Variants in LRFN5 observed in about 807,000 individuals in gnomAD.
LRFN5 encodes the protein leucine rich repeat and fibronectin type III domain containing 5.
LRFN5 carries 24 observed loss-of-function variants against 45.6 expected under a neutral mutation model. The observed-to-expected ratio is 0.53, with a 90% CI of 0.38 to 0.74. LRFN5 has a LOEUF of 0.74. Among genes scored for constraint, LRFN5 ranks in the 30% least tolerant of loss-of-function variants. LRFN5 has a pLI of 0.00. For synonymous variants in LRFN5, 340 were observed against 313.8 expected (o/e 1.08, Z -0.88); for missense variants, 776 against 861.5 (o/e 0.90, Z 1.24).
chr14:41,875,465 G>A (rs1057298720), intron 2 of LRFN5, among the ~76,000 whole-genome samples: 2 of 152,188 alleles, frequency 1.3e-5, no homozygotes, highest in African/African-American at 4.8e-5. Context: ...GGATCCATGG[G>A]TTCCCAATAT....
chr14:41,827,556 G>GA (rs889212742), intron 2 of LRFN5, among the ~76,000 whole-genome samples: 32 of 151,824 alleles, frequency 2.1e-4, no homozygotes, highest in Non-Finnish European at 4.0e-4. Context: ...TTTTAAAAAT[G>GA]AAAAAAATGA....
rs567507058 is a variant in LRFN5, at chr14:41,757,664, C to A, written c.-196-9190C>A. On this transcript the variant is annotated intron_variant, in intron 1 of 5. Coordinates refer to ENST00000298119, the MANE Select transcript of LRFN5 (RefSeq NM_152447.5). The stretch of plus-strand genomic sequence containing the variant: ...TCCAGGTGCCATCTGTCACCCCTTT[C>A]TTTGACTAGGAAAGGGAATTCCCTG... Among the ~76,000 whole-genome samples, 3 of 152,308 alleles carry A rather than the reference C, an allele frequency of 2.0e-5. No homozygotes were observed. The East Asian group carries it at 5.8e-4, about 30-fold the overall frequency.
intron 2 of LRFN5, among the ~76,000 whole-genome samples, chr14:41,825,996 G>A (rs1225905746): frequency 6.6e-6 from 1 of 152,166 alleles, no homozygotes; most frequent in Admixed American, 6.5e-5. Flanking sequence ...TTTTCTTCCT[G>A]TGAGTCTTCT....
At chr14:41,838,707 T>G (rs75986615) in intron 2 of LRFN5, among the ~76,000 whole-genome samples, 1 of 152,314 alleles carries the variant, frequency 6.6e-6, no homozygotes, top group African/African-American at 2.4e-5. Context: ...CAAAAGTCAT[T>G]AAATAATGAG....
intron 2 of LRFN5, among the ~76,000 whole-genome samples, chr14:41,873,447 GAAGGAGA>G: frequency 6.7e-6 from 1 of 149,682 alleles, no homozygotes; most frequent in Admixed American, 6.7e-5. Flanking sequence ...GAGAGAGAGA[GAAGGAGA>G]GAGACATTGC....
intron 2 of LRFN5, among the ~76,000 whole-genome samples, chr14:41,792,190 G>T (rs770869135): frequency 2.0e-5 from 3 of 152,028 alleles, no homozygotes; most frequent in South Asian, 4.1e-4. Context: ...AGGGGATGGG[G>T]TGTAAAGCAG....
intron 2 of LRFN5, among the ~76,000 whole-genome samples, chr14:41,783,832 CATAATGGTGATTTTTGATTA>C (rs1195010678): frequency 1.3e-5 from 2 of 152,026 alleles, no homozygotes; most frequent in Admixed American, 1.3e-4. Flanking sequence ...GTTTTAGTTT[CATAATGGTGATTTTTGATTA>C]ATAGAGGTTC....
At chr14:41,654,061 A>T (rs1594584911) in intron 1 of LRFN5, among the ~76,000 whole-genome samples, 1 of 151,726 alleles carries the variant, frequency 6.6e-6, no homozygotes, top group Admixed American at 6.6e-5. Flanking sequence ...GGTTGGGGGA[A>T]GGGGGAGGGA....
intron 2 of LRFN5, among the ~76,000 whole-genome samples, chr14:41,844,499 G>A (rs1888991891): frequency 6.6e-6 from 1 of 151,672 alleles, no homozygotes; most frequent in African/African-American, 2.4e-5. Flanking sequence ...GTTGCGGTAA[G>A]ATGGGAATTT....
chr14:41,723,305 C>A (rs936382493), intron 1 of LRFN5, among the ~76,000 whole-genome samples: 1 of 152,098 alleles, frequency 6.6e-6, no homozygotes, highest in Non-Finnish European at 1.5e-5. Flanking sequence ...CTTAGAATGC[C>A]TGGAAGTCTA....
intron 1 of LRFN5, chr14:41,742,829 C>T: frequency 6.2e-6 from 1 of 160,656 alleles, no homozygotes; most frequent in Non-Finnish European, 1.4e-5. Context: ...TTGAAGAGTA[C>T]ATAGCGCAGA....
chr14:41,774,571 A>G (rs943139859), intron 2 of LRFN5, among the ~76,000 whole-genome samples: 2 of 152,328 alleles, frequency 1.3e-5, no homozygotes, highest in South Asian at 4.1e-4. Flanking sequence ...GACAAAATTT[A>G]ATGTTGAAAC....
At chr14:41,814,780 C>G (rs539656255) in intron 2 of LRFN5, among the ~76,000 whole-genome samples, 1 of 151,882 alleles carries the variant, frequency 6.6e-6, no homozygotes. Flanking sequence ...GACAAATGGA[C>G]AAATTGGACG....
intron 2 of LRFN5, among the ~76,000 whole-genome samples, chr14:41,790,252 AT>A (rs1886871443): frequency 6.6e-6 from 1 of 151,860 alleles, no homozygotes; most frequent in African/African-American, 2.4e-5. Context: ...CTTTATTATT[AT>A]TTTATGTCTG....
At chr14:41,634,060 T>C (rs1888643828) in intron 1 of LRFN5, among the ~76,000 whole-genome samples, 1 of 152,180 alleles carries the variant, frequency 6.6e-6, no homozygotes, top group South Asian at 2.1e-4. Context: ...GCCTCTATTA[T>C]AAGTTATTCT....
chr14:41,726,245 C>A (rs1883927825), intron 1 of LRFN5, among the ~76,000 whole-genome samples: 2 of 152,050 alleles, frequency 1.3e-5, no homozygotes, highest in Non-Finnish European at 2.9e-5. Context: ...TCTGGTAAAC[C>A]TTGTTGTTCA....
At chr14:41,808,502 G>A (rs1222224600) in intron 2 of LRFN5, among the ~76,000 whole-genome samples, 1 of 115,934 alleles carries the variant, frequency 8.6e-6, no homozygotes, top group Non-Finnish European at 1.7e-5. Flanking sequence ...GCCAGACAAG[G>A]AAGGAAGGGA....
rs187802968 is a variant in LRFN5, at chr14:41,881,124, A to G, written c.-20-5482A>G. On this transcript the variant is annotated intron_variant, in intron 2 of 5. Coordinates refer to ENST00000298119, the MANE Select transcript of LRFN5 (RefSeq NM_152447.5). ...GAAGTTTTTGCTGTAGTTTAGGATT[A>G]AGTCTACTACCTTGGCAGTGATTTT... Among the ~76,000 whole-genome samples the G allele has an allele frequency of 4.6e-3, 695 of 152,210 alleles. 5 individuals carry two copies. Among genetic ancestry groups the G allele is most frequent in the African/African-American group, 0.016 (671 of 41,546 alleles).
At chr14:41,675,025 C>T (rs2138671913) in intron 1 of LRFN5, among the ~76,000 whole-genome samples, 1 of 152,086 alleles carries the variant, frequency 6.6e-6, no homozygotes, top group East Asian at 1.9e-4. Context: ...CAGAGACGCT[C>T]CTCACTTCCT....
Sources: gnomAD v4.1 joint callset for allele counts (sites outside exome capture counted in the v4.1 genomes callset) on GRCh38, gnomAD v4.1.1 for gene constraint, MANE v1.5 for transcripts, NCBI Gene and HGNC (gene_info 2026-07-23, HGNC 2026-07-21) for gene names.